Variants in NCAM1 observed in about 807,000 individuals in gnomAD.
The protein encoded by NCAM1 is neural cell adhesion molecule 1, also known as antigen recognized by monoclonal antibody 5.1H11.
Under a neutral mutation model 109.8 loss-of-function variants are expected in NCAM1, and 14 were observed. The observed-to-expected ratio is 0.13, with a 90% confidence interval of 0.08 to 0.20. The LOEUF is 0.20. NCAM1 is among the 10% of genes least tolerant of loss of function. The pLI, the probability that NCAM1 is intolerant of heterozygous loss-of-function variation, is 1.00. For missense variants in NCAM1, 774 were observed against 1,109.9 expected (o/e 0.70, Z 4.30); for synonymous variants, 418 against 442.9 (o/e 0.94, Z 0.70).
intron 1 of NCAM1, among the ~76,000 whole-genome samples, chr11:113,088,452 C>T (rs1036017073): frequency 5.3e-5 from 8 of 152,140 alleles, no homozygotes; most frequent in African/African-American, 1.4e-4. Context: ...AAGCTGAAAC[C>T]ACATGGTGGG....
rs115243277 is a variant in NCAM1, at chr11:113,155,866, C to T, written c.53-46513C>T. 4.1e-3 allele frequency among the ~76,000 whole-genome samples: 628 copies of T among 152,192 alleles called. 3 individuals carry two copies. The highest frequency in any genetic ancestry group is 0.014 in the African/African-American group (596 of 41,492). ...CTCCACTCTCCTCCCCATTCCTCCACTCTCCTCCTCTCAGCCCTCAACTTG... is the reference window on the plus strand; with the variant it reads ...CTCCACTCTCCTCCCCATTCCTCCATTCTCCTCCTCTCAGCCCTCAACTTG... On this transcript the variant is annotated intron_variant, in intron 1 of 19. Transcript: ENST00000316851.
intron 1 of NCAM1, among the ~76,000 whole-genome samples, chr11:113,091,111 A>G (rs949473351): frequency 6.6e-6 from 1 of 152,180 alleles, no homozygotes; most frequent in Admixed American, 6.5e-5. Flanking sequence ...AGAAGATCCA[A>G]TCCATATCAT....
intron 1 of NCAM1, among the ~76,000 whole-genome samples, chr11:113,023,444 G>A (rs1952451277): frequency 6.6e-6 from 1 of 152,180 alleles, no homozygotes. Flanking sequence ...GGAAGTTACA[G>A]CCAAGAATTC....
chr11:113,123,576 T>C (rs1304308595), intron 1 of NCAM1, among the ~76,000 whole-genome samples: 1 of 152,222 alleles, frequency 6.6e-6, no homozygotes, highest in African/African-American at 2.4e-5. Flanking sequence ...TCTCTGGAGA[T>C]GTGCCTGCTT....
chr11:113,267,556 T>C (rs1946158662), intron 17 of NCAM1, among the ~76,000 whole-genome samples: 1 of 152,112 alleles, frequency 6.6e-6, no homozygotes, highest in South Asian at 2.1e-4. Flanking sequence ...TAAAGCGGGT[T>C]GAGCTGGATG....
In NCAM1 at chr11:113,275,301, G is replaced by A; in HGVS notation, c.2491G>A (p.Glu831Lys). The A allele has an allele frequency of 1.2e-6, 2 of 1,613,830 alleles. No individual in the cohort carries two copies. Among genetic ancestry groups the A allele is most frequent in the Non-Finnish European group, 1.7e-6 (2 of 1,179,840 alleles). The change falls in exon 20 of 20, where the codon GAG becomes AAG. Residue 831 changes from glutamate (E) to lysine (K), a missense_variant. Glu to Lys is a moderately conservative substitution (Grantham distance 56). Transcript: ENST00000316851. ...CGTAGAAGCAAAGCCAGAGTGCCAG[G>A]AGACAGAAACGAAGCCAGCGCCAGC... The part of the protein sequence containing the change: ...GPVEAKPECQ[E>K]TETKPAPAEV...
intron 1 of NCAM1, among the ~76,000 whole-genome samples, chr11:113,046,033 G>A (rs565442836): frequency 6.6e-6 from 1 of 152,276 alleles, no homozygotes; most frequent in African/African-American, 2.4e-5. Flanking sequence ...CCCTTTAACA[G>A]CATTTGGGGA....
At chr11:113,150,569 A>C (rs1565465095) in intron 1 of NCAM1, among the ~76,000 whole-genome samples, 1 of 152,244 alleles carries the variant, frequency 6.6e-6, no homozygotes, top group Non-Finnish European at 1.5e-5. Flanking sequence ...AGGAGTCAAC[A>C]GCATAGGACC....
chr11:113,276,836 G>GC lies in NCAM1; in HGVS notation c.*1449_*1450insC, dbSNP rs1946407331. On this transcript the variant is annotated 3_prime_UTR_variant, in exon 20 of 20. Transcript: ENST00000316851. ...TACAGAAACTTTAAGGGGGATGGGA[G>GC]GGGGGGGAGAAGGGAAAAGCCAGCC... 7.0e-6 allele frequency: 1 copy of GC among 143,694 alleles called. No homozygotes were observed. The highest frequency in any genetic ancestry group is 1.5e-5 in the Non-Finnish European group (1 of 65,136). The allele number at this position is 143,694 out of a possible 1,614,324, so 8.9% of individuals were successfully genotyped here. A position where few individuals can be genotyped will look rare whatever the true frequency, so the allele number is the denominator to read the frequency against.
chr11:113,014,464 C>T (rs782259202), intron 1 of NCAM1, among the ~76,000 whole-genome samples: 1 of 152,140 alleles, frequency 6.6e-6, no homozygotes, highest in Non-Finnish European at 1.5e-5. Context: ...CCCAGCATCA[C>T]CCCTGACACA....
chr11:113,233,083 T>G lies in NCAM1; in HGVS notation c.1523-64T>G, dbSNP rs1663154354. 20 of 1,475,688 alleles carry G rather than the reference T, an allele frequency of 1.4e-5. No individual in the cohort carries two copies. Among genetic ancestry groups the G allele is most frequent in the Non-Finnish European group, 1.5e-5 (16 of 1,076,136 alleles). The allele number at this position is 1,475,688 out of a possible 1,614,324, so 91.4% of individuals were successfully genotyped here. A position where few individuals can be genotyped will look rare whatever the true frequency, so the allele number is the denominator to read the frequency against. On this transcript the variant is annotated intron_variant, in intron 12 of 19. Coordinates refer to ENST00000316851, the MANE Select transcript of NCAM1 (RefSeq NM_181351.5). The surrounding 1 kb of genome is among the most constrained non-coding windows in gnomAD (Gnocchi z 4.5). ...AAATGACAGAGATGTGCCTTGTGAC[T>G]GAGAGTTAATGGTCTTGGGCCAAAC...
intron 1 of NCAM1, among the ~76,000 whole-genome samples, chr11:113,172,382 T>A (rs1167504321): frequency 6.6e-6 from 1 of 152,188 alleles, no homozygotes; most frequent in Non-Finnish European, 1.5e-5. Context: ...TCACCTGTAT[T>A]CCCAGCAGTC....
intron 1 of NCAM1, among the ~76,000 whole-genome samples, chr11:113,156,741 T>C (rs1942420488): frequency 6.6e-6 from 1 of 152,138 alleles, no homozygotes; most frequent in South Asian, 2.1e-4. Flanking sequence ...GATTAAGCTG[T>C]AATCAAGGAA....
At chr11:112,983,999 C>A (rs1220776061) in intron 1 of NCAM1, among the ~76,000 whole-genome samples, 1 of 151,802 alleles carries the variant, frequency 6.6e-6, no homozygotes, top group Non-Finnish European at 1.5e-5. Context: ...GGTCTCTAGA[C>A]TTATTCATCC....
intron 13 of NCAM1, among the ~76,000 whole-genome samples, chr11:113,234,711 G>A (rs868960724): frequency 3.3e-5 from 5 of 152,164 alleles, no homozygotes; most frequent in Non-Finnish European, 5.9e-5. Context: ...TGGTCATTTG[G>A]GTTGCCTTTC....
At chr11:113,080,685 A>G (rs1555087009) in intron 1 of NCAM1, among the ~76,000 whole-genome samples, 1 of 152,224 alleles carries the variant, frequency 6.6e-6, no homozygotes, top group Non-Finnish European at 1.5e-5. Flanking sequence ...ATAGGAAGAA[A>G]AGGGACATGG....
At chr11:113,210,770 TCACAAA>T (rs1370940043) in intron 7 of NCAM1, among the ~76,000 whole-genome samples, 3 of 81,616 alleles carry the variant, frequency 3.7e-5, no homozygotes, top group African/African-American at 1.4e-4. Flanking sequence ...CCCCTCTTCA[TCACAAA>T]CACACACACA....
At chr11:113,252,200 G>C (rs1555121462) in intron 15 of NCAM1, among the ~76,000 whole-genome samples, 1 of 152,120 alleles carries the variant, frequency 6.6e-6, no homozygotes, top group Non-Finnish European at 1.5e-5. Flanking sequence ...GATAGCTTGA[G>C]CCTAGAAGTT....
chr11:112,998,792 C>A (rs797035320), intron 1 of NCAM1, among the ~76,000 whole-genome samples: 4 of 152,298 alleles, frequency 2.6e-5, no homozygotes, highest in African/African-American at 9.6e-5. Flanking sequence ...GTGCCCAGAT[C>A]TCTTTTTTAC....
Sources: allele counts gnomAD v4.1 joint callset (sites outside exome capture counted in the v4.1 genomes callset), GRCh38; gene constraint gnomAD v4.1.1; non-coding constraint Gnocchi (gnomAD v3.1); transcripts MANE v1.5; gene names NCBI Gene and HGNC (gene_info 2026-07-23, HGNC 2026-07-21).